The following BCHE variants were observed in gnomAD, a reference collection of about 807,000 sequenced individuals.
The protein encoded by BCHE is cholinesterase.
A neutral mutation model predicts 51.3 loss-of-function variants in BCHE; 48 were observed. That is an observed-to-expected ratio of 0.94 (90% CI 0.74 to 1.19). The LOEUF (loss-of-function observed/expected upper bound fraction) is 1.19, where lower values mean the gene tolerates loss of function less well. Ranked by LOEUF, BCHE falls within the 50% of genes most tolerant of loss-of-function variation. BCHE has a pLI of 0.00. For missense variants in BCHE, 847 were observed against 708.2 expected (o/e 1.20, Z -2.23); for synonymous variants, 251 against 238.0 (o/e 1.05, Z -0.50).
intron 2 of BCHE, among the ~76,000 whole-genome samples, chr3:165,807,405 T>C (rs1010264513): frequency 9.9e-5 from 15 of 151,946 alleles, no homozygotes; most frequent in African/African-American, 3.6e-4. Flanking sequence ...AATAATACTT[T>C]AATATACCTA....
chr3:165,798,553 C>A (rs2108212245), intron 2 of BCHE, among the ~76,000 whole-genome samples: 1 of 152,230 alleles, frequency 6.6e-6, no homozygotes, highest in East Asian at 1.9e-4. Flanking sequence ...CAATATCACA[C>A]AACTTGAATG....
chr3:165,791,172 G>A (rs1001311486), intron 2 of BCHE, among the ~76,000 whole-genome samples: 6 of 151,818 alleles, frequency 4.0e-5, no homozygotes, highest in Non-Finnish European at 8.8e-5. Context: ...GCGGGCACCT[G>A]TAATCCCAGC....
chr3:165,795,885 G>C (rs940946103), intron 2 of BCHE, among the ~76,000 whole-genome samples: 1 of 151,990 alleles, frequency 6.6e-6, no homozygotes, highest in Non-Finnish European at 1.5e-5. Flanking sequence ...TACATCCTCA[G>C]CTTCACAGAG....
chr3:165,814,968 ATAT>A (rs1158933415), intron 2 of BCHE, among the ~76,000 whole-genome samples: 1 of 148,550 alleles, frequency 6.7e-6, no homozygotes, highest in African/African-American at 2.4e-5. Flanking sequence ...TATATCTATA[ATAT>A]TAGTGTTAGT....
rs568724445 is a variant in BCHE, at chr3:165,830,419, C to T, written c.615G>A (p.Trp205Ter). 1.2e-6 allele frequency: 2 copies of T among 1,613,632 alleles called. No homozygotes were observed. Among genetic ancestry groups the T allele is most frequent in the African/African-American group, 2.7e-5 (2 of 74,890 alleles). Residue 205 changes from tryptophan (W) to a stop codon, truncating the protein, a stop_gained, in exon 2 of 4, where the codon TGG becomes TGA. Transcript: ENST00000264381. LOFTEE classifies it high-confidence loss of function. ...GLFDQQLALQ[W>*]VQKNIAAFGG... ...CAAAGGCTGCTATATTTTTTTGAACCCACTGAAGAGCCAACTGTTGATCAA... is the reference window on the plus strand; with the variant it reads ...CAAAGGCTGCTATATTTTTTTGAACTCACTGAAGAGCCAACTGTTGATCAA...
chr3:165,832,406 C>A (rs1219997058), intron 1 of BCHE, among the ~76,000 whole-genome samples: 1 of 151,996 alleles, frequency 6.6e-6, no homozygotes, highest in Non-Finnish European at 1.5e-5. Flanking sequence ...GATTCTTCTG[C>A]CTCAGCCTCC....
intron 2 of BCHE, among the ~76,000 whole-genome samples, chr3:165,814,868 C>T (rs541264678): frequency 6.8e-4 from 103 of 151,032 alleles, no homozygotes; most frequent in African/African-American, 1.8e-3. Flanking sequence ...TCCCATCAGA[C>T]GTATGGGTCA....
rs766894981 is a variant in BCHE, at chr3:165,830,170, T to G, written c.864A>C (p.Ile288=). The part of the protein sequence containing the change: ...TGCSRENETE[I]IKCLRNKDPQ... Reference sequence around the variant, plus strand: ...GATCTTTATTTCTAAGACACTTGATTATTTCAGTCTCATTCTCTCTAGAGC... The same window carrying G: ...GATCTTTATTTCTAAGACACTTGATGATTTCAGTCTCATTCTCTCTAGAGC... Residue 288 remains isoleucine (I), a synonymous_variant, in exon 2 of 4, where the codon ATA becomes ATC. Transcript: ENST00000264381. 8.7e-6 allele frequency: 14 copies of G among 1,613,972 alleles called. No homozygotes were observed. Among genetic ancestry groups the G allele is most frequent in the Non-Finnish European group, 1.1e-5 (13 of 1,179,902 alleles).
Position 165,830,940 on chromosome 3 carries a change from T to C in BCHE, c.94A>G (p.Ile32Val). ...TTTCCATTCTTTGTTGCAATTATGA[T>C]GTCATCTTCAGTATGTGACTTCCCA... ...LIGKSHTEDD[I>V]IIATKNGKVR... The change falls in exon 2 of 4, where the codon ATC (isoleucine) becomes GTC (valine). Residue 32 changes from isoleucine (I) to valine (V), a missense_variant. Coordinates refer to ENST00000264381, the MANE Select transcript of BCHE (RefSeq NM_000055.4). The C allele has an allele frequency of 6.2e-7, 1 of 1,613,892 alleles. No homozygotes were observed. Among genetic ancestry groups the C allele is most frequent in the Non-Finnish European group, 8.5e-7 (1 of 1,179,888 alleles).
At chr3:165,797,505 A>G (rs555153488) in intron 2 of BCHE, among the ~76,000 whole-genome samples, 66 of 151,612 alleles carry the variant, frequency 4.4e-4, no homozygotes, top group African/African-American at 1.5e-3. Context: ...AGCAACTGTT[A>G]TCATTTGAAT....
intron 2 of BCHE, 104 bp from the exon 3 acceptor site, chr3:165,786,415 A>T (rs1712953259): frequency 8.6e-7 from 1 of 1,162,832 alleles, no homozygotes; most frequent in East Asian, 2.6e-5. Context: ...AGAATTTAAG[A>T]CAGAAAAAAT....
At chr3:165,797,231 T>C (rs1181410150) in intron 2 of BCHE, among the ~76,000 whole-genome samples, 121 of 724 alleles carry the variant, frequency 0.17, 20 homozygotes, top group African/African-American at 0.27. Flanking sequence ...CCTCCTTCTT[T>C]CTTCCCTCCC....
intron 1 of BCHE, among the ~76,000 whole-genome samples, chr3:165,837,037 T>C (rs898296013): frequency 2.0e-5 from 3 of 152,188 alleles, no homozygotes. Flanking sequence ...ATCACAGTGA[T>C]TCCACACGTG....
chr3:165,808,501 G>A (rs1560014124), intron 2 of BCHE, among the ~76,000 whole-genome samples: 1 of 151,584 alleles, frequency 6.6e-6, no homozygotes, highest in Non-Finnish European at 1.5e-5. Flanking sequence ...TAATACTTTA[G>A]TCACTTTTAT....
chr3:165,831,831 A>G (rs981944017), intron 1 of BCHE, among the ~76,000 whole-genome samples: 7 of 152,194 alleles, frequency 4.6e-5, no homozygotes, highest in Non-Finnish European at 8.8e-5. Context: ...TATAATGTCA[A>G]TAGAGAGAAC....
At chr3:165,795,308 A>G (rs550104050) in intron 2 of BCHE, among the ~76,000 whole-genome samples, 2 of 152,280 alleles carry the variant, frequency 1.3e-5, no homozygotes, top group African/African-American at 4.8e-5. Flanking sequence ...CTGTTCACAA[A>G]CTAAAATCTA....
At chr3:165,823,291 A>G (rs1714596747) in intron 2 of BCHE, among the ~76,000 whole-genome samples, 1 of 152,158 alleles carries the variant, frequency 6.6e-6, no homozygotes, top group Non-Finnish European at 1.5e-5. Flanking sequence ...TAACTGAAAA[A>G]TGAGTTTTAT....
At chr3:165,809,603 ATTTGTATT>A (rs1183753036) in intron 2 of BCHE, among the ~76,000 whole-genome samples, 284 of 152,284 alleles carry the variant, frequency 1.9e-3, no homozygotes, top group African/African-American at 6.7e-3. Flanking sequence ...CAAATTTATC[ATTTGTATT>A]AAGGCAAATG....
chr3:165,787,823 A>G (rs1174142928), intron 2 of BCHE, among the ~76,000 whole-genome samples: 1 of 151,954 alleles, frequency 6.6e-6, no homozygotes, highest in African/African-American at 2.4e-5. Flanking sequence ...GGAACTTTTG[A>G]CTAAATGGCT....
Sources: gnomAD v4.1 joint callset for allele counts (sites outside exome capture counted in the v4.1 genomes callset) on GRCh38, gnomAD v4.1.1 for gene constraint, MANE v1.5 for transcripts, NCBI Gene and HGNC (gene_info 2026-07-23, HGNC 2026-07-21) for gene names.